Variants in MYOCD observed in about 807,000 individuals in gnomAD.
MYOCD encodes myocardin.
Under a neutral mutation model 96.1 loss-of-function variants are expected in MYOCD, and 32 were observed. The observed-to-expected ratio is 0.33, with a 90% confidence interval of 0.25 to 0.45. MYOCD has a LOEUF of 0.45. MYOCD is among the 20% of genes least tolerant of loss of function. The pLI is 1.00. For synonymous variants in MYOCD, 469 were observed against 469.0 expected (o/e 1.00, Z 0.00); for missense variants, 1,133 against 1,200.6 (o/e 0.94, Z 0.83).
chr17:12,735,155 A>G (rs1419414930), intron 5 of MYOCD, among the ~76,000 whole-genome samples: 1 of 152,220 alleles, frequency 6.6e-6, no homozygotes, highest in Non-Finnish European at 1.5e-5. Flanking sequence ...TCTTATCTGC[A>G]CAAGGCAAGA....
At position 12,731,698 on chromosome 17, in the gene MYOCD, T is replaced by C. The variant is rs1260824758; in HGVS notation, c.416-4463T>C. The stretch of plus-strand genomic sequence containing the variant: ...CAGAGAGGTCAAATAACTTGCCAAC[T>C]GTCACGCTATCCCTGAACTGGTAGA... On this transcript the variant is annotated intron_variant, in intron 5 of 13. Transcript: ENST00000425538. Among the ~76,000 whole-genome samples the C allele has an allele frequency of 2.6e-5, 4 of 152,292 alleles. No homozygotes were observed. In the East Asian group the frequency reaches 5.8e-4, roughly 22 times the overall value.
intron 1 of MYOCD, among the ~76,000 whole-genome samples, chr17:12,681,028 TAGA>T (rs771230975): frequency 6.6e-6 from 1 of 152,174 alleles, no homozygotes; most frequent in African/African-American, 2.4e-5. Flanking sequence ...CTCCCATCCA[TAGA>T]AGAAGAAACC....
Position 12,671,013 on chromosome 17 carries a change from A to G in MYOCD, c.55+4770A>G, listed in dbSNP as rs182330266. On this transcript the variant is annotated intron_variant, in intron 1 of 13. Transcript: ENST00000425538. Reference sequence around the variant, plus strand: ...CTTAATCACTATAGCAAGAACCCCAACCCCCACCTTCCCTGCCCTAGTTTT... The same window carrying G: ...CTTAATCACTATAGCAAGAACCCCAGCCCCCACCTTCCCTGCCCTAGTTTT... Among the ~76,000 whole-genome samples, 101 of 151,884 alleles carry G rather than the reference A, an allele frequency of 6.6e-4. 1 individual carries two copies. Among genetic ancestry groups the G allele is most frequent in the Non-Finnish European group, 1.1e-3 (78 of 67,964 alleles).
intron 6 of MYOCD, among the ~76,000 whole-genome samples, 178 bp downstream of exon 6, chr17:12,736,514 G>A (rs905207643): frequency 6.6e-6 from 1 of 152,148 alleles, no homozygotes; most frequent in South Asian, 2.1e-4. Context: ...CTCTGTGTGG[G>A]GTGACAAAAG....
At chr17:12,745,726 C>A (rs971435480) in intron 8 of MYOCD, among the ~76,000 whole-genome samples, 193 bp from the exon 9 acceptor site, 3 of 152,146 alleles carry the variant, frequency 2.0e-5, no homozygotes, top group African/African-American at 7.2e-5. Flanking sequence ...CCTCTTATCT[C>A]CCTAAACAAA....
intron 1 of MYOCD, among the ~76,000 whole-genome samples, chr17:12,666,621 A>T (rs1909391016): frequency 6.6e-6 from 1 of 152,210 alleles, no homozygotes; most frequent in Non-Finnish European, 1.5e-5. Flanking sequence ...GATGAACCTG[A>T]TGTTGTGTGT....
At chr17:12,749,613 ATG>A (rs1491085086) in intron 9 of MYOCD, among the ~76,000 whole-genome samples, 1 of 135,772 alleles carries the variant, frequency 7.4e-6, no homozygotes, top group Admixed American at 8.2e-5. Flanking sequence ...ATATATACAC[ATG>A]TCTCAAAACC....
rs748683208 is a variant in MYOCD at position 12,752,752 on chromosome 17, A to G, written c.1464A>G (p.Pro488=). The G allele has an allele frequency of 2.4e-5, 38 of 1,614,116 alleles. No homozygotes were observed. The highest frequency in any genetic ancestry group is 4.4e-5 in the South Asian group (4 of 91,070). Residue 488 remains proline (P), a synonymous_variant, in exon 10 of 14, where the codon CCA becomes CCG. Coordinates refer to ENST00000425538, the MANE Select transcript of MYOCD (RefSeq NM_001146312.3). ...CCTCCTTCGGCCTGCACCCGTCCCCAGTCCACGTGTGCACGGAGGAAAGTC... is the reference window on the plus strand; with the variant it reads ...CCTCCTTCGGCCTGCACCCGTCCCCGGTCCACGTGTGCACGGAGGAAAGTC... ...ASPSFGLHPS[P]VHVCTEESLM...
intron 1 of MYOCD, among the ~76,000 whole-genome samples, chr17:12,666,758 A>G (rs1909400413): frequency 6.6e-6 from 1 of 152,136 alleles, no homozygotes; most frequent in Non-Finnish European, 1.5e-5. Context: ...TCACTGTAGA[A>G]AAAAAAAGAA....
chr17:12,760,573 A>G, intron 12 of MYOCD, 77 bp from the exon 13 acceptor site: 1 of 1,196,470 alleles, frequency 8.4e-7, no homozygotes, highest in Non-Finnish European at 1.2e-6. Flanking sequence ...AAAATCTTGC[A>G]GTGCTGCTTC....
intron 1 of MYOCD, among the ~76,000 whole-genome samples, chr17:12,703,000 G>T (rs566790040): frequency 2.8e-4 from 42 of 151,758 alleles, no homozygotes; most frequent in African/African-American, 9.7e-4. Context: ...TTATCTTCTG[G>T]TATCATTTCC....
Position 12,758,160 on chromosome 17 carries a change from T to G in MYOCD, c.2278T>G (p.Ser760Ala). Residue 760 changes from serine to alanine, a missense_variant, in exon 12 of 14, where the codon TCA (serine) becomes GCA (alanine). By Grantham distance (99) the Ser-to-Ala change is moderately conservative (BLOSUM62 1). Coordinates refer to ENST00000425538, the MANE Select transcript of MYOCD (RefSeq NM_001146312.3). Reference protein sequence around the residue: ...IPSPTFSKSSSAISEVTQPPS... With the variant: ...IPSPTFSKSSAAISEVTQPPS... The stretch of plus-strand genomic sequence containing the variant: ...ATCCCCAACTTTTTCTAAGTCAAGT[T>G]CAGCAATTTCAGAGGTAACACAGCC... 1 of 1,614,214 alleles carries G rather than the reference T, an allele frequency of 6.2e-7. No individual in the cohort carries two copies. Among genetic ancestry groups the G allele is most frequent in the South Asian group, 1.1e-5 (1 of 91,086 alleles).
intron 1 of MYOCD, among the ~76,000 whole-genome samples, chr17:12,677,756 CA>C (rs1567568010): frequency 6.6e-6 from 1 of 151,590 alleles, no homozygotes; most frequent in African/African-American, 2.4e-5. Flanking sequence ...ATGTTTATAT[CA>C]ATATGCTTTG....
At chr17:12,717,243 T>C (rs1340510830) in intron 3 of MYOCD, 103 bp from the exon 4 acceptor site, 3 of 839,140 alleles carry the variant, frequency 3.6e-6, no homozygotes, top group Admixed American at 2.6e-5. Flanking sequence ...CAAGAATATT[T>C]TCATGTTTCA....
At chr17:12,723,200 C>A (rs568309420) in intron 5 of MYOCD, among the ~76,000 whole-genome samples, 192 bp downstream of exon 5, 3 of 152,162 alleles carry the variant, frequency 2.0e-5, no homozygotes, top group African/African-American at 7.2e-5. Context: ...TTCTTGTACA[C>A]CCCAAGGCCA....
chr17:12,737,510 T>C (rs1597794736), intron 6 of MYOCD, among the ~76,000 whole-genome samples: 1 of 151,880 alleles, frequency 6.6e-6, no homozygotes, highest in Admixed American at 6.6e-5. Context: ...CAGCCAGAGG[T>C]ATGGAGCCCT....
chr17:12,759,411 T>C (rs1281895768), intron 12 of MYOCD, among the ~76,000 whole-genome samples: 1 of 152,244 alleles, frequency 6.6e-6, no homozygotes, highest in Non-Finnish European at 1.5e-5. Context: ...TTTCTTATTC[T>C]ATATTCAGTT....
intron 1 of MYOCD, among the ~76,000 whole-genome samples, chr17:12,666,877 C>T (rs987803209): frequency 6.6e-6 from 1 of 152,152 alleles, no homozygotes; most frequent in Non-Finnish European, 1.5e-5. Flanking sequence ...TCAAAGGACG[C>T]TGAGTGGAGG....
At chr17:12,680,347 C>T (rs1047729687) in intron 1 of MYOCD, among the ~76,000 whole-genome samples, 4 of 152,112 alleles carry the variant, frequency 2.6e-5, no homozygotes, top group Non-Finnish European at 2.9e-5. Context: ...AGTATAATGA[C>T]GTCTGTCTTA....
Sources: gnomAD v4.1 joint callset for allele counts (sites outside exome capture counted in the v4.1 genomes callset) on GRCh38, gnomAD v4.1.1 for gene constraint, MANE v1.5 for transcripts, NCBI Gene and HGNC (gene_info 2026-07-23, HGNC 2026-07-21) for gene names.